Variants in SYNJ2 observed in about 807,000 individuals in gnomAD.
The protein encoded by SYNJ2 is synaptojanin 2.
In SYNJ2, 116 loss-of-function variants were observed where a neutral mutation model predicts 141.3. The observed-to-expected ratio is 0.82, with a 90% confidence interval of 0.71 to 0.96. SYNJ2 has a LOEUF of 0.96. Among genes scored for constraint, SYNJ2 ranks in the 40% least tolerant of loss-of-function variants. The probability of loss-of-function intolerance (pLI) is 0.00; values close to 1 mark genes in which losing one functional copy is unlikely to be tolerated. For synonymous variants in SYNJ2, 745 were observed against 777.7 expected, an observed-to-expected ratio of 0.96 and a Z score of 0.70; for missense variants, 1,873 against 1,934.8, an observed-to-expected ratio of 0.97 and a Z score of 0.60.
intron 1 of SYNJ2, among the ~76,000 whole-genome samples, chr6:158,004,786 G>A (rs1346859685): frequency 1.3e-5 from 2 of 152,102 alleles, no homozygotes; most frequent in East Asian, 1.9e-4. Flanking sequence ...ACGAGACTGC[G>A]TCCCTCACTG....
intron 1 of SYNJ2, among the ~76,000 whole-genome samples, chr6:158,005,436 C>T (rs915304364): frequency 1.3e-4 from 20 of 152,118 alleles, no homozygotes; most frequent in African/African-American, 3.9e-4. Context: ...CTTCTCATAG[C>T]CCCTCGTCTG....
In SYNJ2 at chr6:158,096,194, A is replaced by G. The variant is rs201680213; in HGVS notation, c.4321A>G (p.Thr1441Ala). Reference protein sequence around the residue: ...SKSSDPLDSGTRSPKRDPIDP... With the variant: ...SKSSDPLDSGARSPKRDPIDP... ...GAGCTCAGACCCTTTGGACTCAGGA[A>G]CCAGGAGCCCCAAAAGAGATCCCAT... is the stretch of plus-strand genomic sequence containing the variant. Residue 1441 changes from threonine (T) to alanine (A), a missense_variant, in exon 27 of 27, where the codon ACC becomes GCC. Coordinates refer to ENST00000355585, the MANE Select transcript of SYNJ2 (RefSeq NM_003898.4). The G allele has an allele frequency of 4.5e-5, 73 of 1,614,218 alleles. No individual in the cohort carries two copies. In the African/African-American group the frequency reaches 9.3e-4, roughly 21 times the overall value.
chr6:158,083,524 C>G lies in SYNJ2; in HGVS notation c.2961C>G (p.Pro987=). The G allele has an allele frequency of 6.2e-7, 1 of 1,614,132 alleles. No individual in the cohort carries two copies. Among genetic ancestry groups the G allele is most frequent in the Non-Finnish European group, 8.5e-7 (1 of 1,180,034 alleles). Residue 987 remains proline (P), a synonymous_variant, in exon 21 of 27, where the codon CCC becomes CCG. Transcript: ENST00000355585. ...EIIRKRDSMA[P]VSPTANSCLL... is the part of the protein sequence containing the mutation. The stretch of plus-strand genomic sequence containing the variant: ...TTCGGAAACGAGACAGCATGGCCCC[C>G]GTGTCTCCCACTGCCAACTCCTGTT...
At chr6:158,018,799 A>C (rs1180882073) in intron 2 of SYNJ2, among the ~76,000 whole-genome samples, 6 of 152,260 alleles carry the variant, frequency 3.9e-5, no homozygotes, top group Non-Finnish European at 8.8e-5. Flanking sequence ...AACTTGCCTT[A>C]GGTCAGAAAC....
chr6:158,010,586 C>G (rs1778226748), intron 1 of SYNJ2, among the ~76,000 whole-genome samples: 1 of 152,172 alleles, frequency 6.6e-6, no homozygotes, highest in South Asian at 2.1e-4. Context: ...GAAAAGATGA[C>G]CAAGTGTTTG....
Position 157,982,166 on chromosome 6 carries a change from C to T in SYNJ2, c.127+78C>T, listed in dbSNP as rs1375468179. 5.6e-6 allele frequency: 7 copies of T among 1,252,970 alleles called. No homozygotes were observed. The African/African-American group carries it at 6.2e-5, about 11-fold the overall frequency. The allele number at this position is 1,252,970 out of a possible 1,614,324, so 77.6% of individuals were successfully genotyped here. A position where few individuals can be genotyped will look rare whatever the true frequency, so the allele number is the denominator to read the frequency against. On this transcript the variant is annotated intron_variant, in intron 1 of 26. Transcript: ENST00000355585. This position sits in a 1 kb window ranked among gnomAD's most constrained non-coding sequence, Gnocchi z 4.0. ...CCCAGCCTCGGGAAGACGGGTACCC[C>T]CCCTTCCCGAGGGGATCGGGCGGCG...
rs1004747985 is a variant in SYNJ2, at chr6:158,033,476, C to T, written c.507C>T (p.Pro169=). Residue 169 remains proline (P), a synonymous_variant, in exon 4 of 27, where the codon CCC becomes CCT. Transcript: ENST00000355585. The part of the protein sequence containing the change: ...SFFWNQLLHV[P]LRQHQVSCCD... ...GCAGGAACCAGCTGTTGCACGTGCC[C>T]TTGAGGCAGCACCAGGTGAGCTGCT... 1 of 1,614,130 alleles carries T rather than the reference C, an allele frequency of 6.2e-7. No homozygotes were observed. Among genetic ancestry groups the T allele is most frequent in the South Asian group, 1.1e-5 (1 of 91,080 alleles).
Position 158,095,780 on chromosome 6 carries a change from C to A in SYNJ2, c.3907C>A (p.His1303Asn). The change falls in exon 27 of 27, where the codon CAC becomes AAC. Residue 1303 changes from histidine (H) to asparagine (N), a missense_variant. Physicochemically the swap from His to Asn is moderately conservative, Grantham distance 68. Coordinates refer to ENST00000355585, the MANE Select transcript of SYNJ2 (RefSeq NM_003898.4). ...QPGKAAERPS[H>N]RKPASDEAPP... The stretch of plus-strand genomic sequence containing the variant: ...TGGGAAAGCTGCAGAGAGGCCAAGC[C>A]ACAGGAAGCCAGCATCAGACGAAGC... 6.2e-7 allele frequency: 1 copy of A among 1,614,178 alleles called. No homozygotes were observed. Among genetic ancestry groups the A allele is most frequent in the Non-Finnish European group, 8.5e-7 (1 of 1,180,042 alleles).
rs528575306 is a variant in SYNJ2, at chr6:158,031,614, C to T, written c.486-1841C>T. 8.8e-3 allele frequency among the ~76,000 whole-genome samples: 1,148 copies of T among 130,006 alleles called. 17 individuals carry two copies. The highest frequency in any genetic ancestry group is 0.033 in the African/African-American group (1,079 of 33,176). 85.3% of individuals were successfully genotyped at this position (130,006 alleles called of 152,430 possible). On this transcript the variant is annotated intron_variant, in intron 3 of 26. Transcript: ENST00000355585. The stretch of plus-strand genomic sequence containing the variant: ...ATCGCCTGAACCCCCACTGTTGTGG[C>T]GCAGCGTGAGGTCTGGAGACCCACA...
intron 9 of SYNJ2, 24 bp downstream of exon 9, chr6:158,063,896 C>T (rs369651581): frequency 8.6e-5 from 139 of 1,612,098 alleles, no homozygotes; most frequent in Middle Eastern, 3.3e-4. Context: ...ACAGCCTTTT[C>T]GGCCATCTGT....
Position 158,095,907 on chromosome 6 carries a change from A to G in SYNJ2, c.4034A>G (p.His1345Arg). ...AAGAAGTCAGCCCCCGCAGCCTTCCACCTGCAGGTCCTGCAGAGCAACAGC... is the reference window on the plus strand; with the variant it reads ...AAGAAGTCAGCCCCCGCAGCCTTCCGCCTGCAGGTCCTGCAGAGCAACAGC... ...RRKKSAPAAF[H>R]LQVLQSNSQL... The change falls in exon 27 of 27, where the codon CAC (histidine) becomes CGC (arginine). Residue 1345 changes from histidine (H) to arginine (R), a missense_variant. Coordinates refer to ENST00000355585, the MANE Select transcript of SYNJ2 (RefSeq NM_003898.4). The G allele has an allele frequency of 6.2e-7, 1 of 1,614,036 alleles. No homozygotes were observed. The highest frequency in any genetic ancestry group is 8.5e-7 in the Non-Finnish European group (1 of 1,179,976).
In SYNJ2 at chr6:158,095,688, T is replaced by C. The variant is rs371122643; in HGVS notation, c.3815T>C (p.Val1272Ala). The change falls in exon 27 of 27, where the codon GTT (valine) becomes GCT (alanine). Residue 1272 changes from valine to alanine, a missense_variant. Val to Ala is a moderately conservative substitution (Grantham distance 64, BLOSUM62 0). Transcript: ENST00000355585. ...ACAATCGGGCCCCCGGAGACAAGCG[T>C]TGAGGCCCCTCCTGTCGTGACAGCC... ...HFTIGPPETS[V>A]EAPPVVTAPR... 3.7e-6 allele frequency: 6 copies of C among 1,614,008 alleles called. No homozygotes were observed. The highest frequency in any genetic ancestry group is 5.1e-6 in the Non-Finnish European group (6 of 1,180,010).
At chr6:158,068,399 A>G (rs1054009242) in intron 12 of SYNJ2, among the ~76,000 whole-genome samples, 1 of 152,196 alleles carries the variant, frequency 6.6e-6, no homozygotes, top group Non-Finnish European at 1.5e-5. Flanking sequence ...GTTATATTAA[A>G]TTCTGACCTC....
In SYNJ2 at chr6:157,982,194, G is replaced by A. The variant is rs537108396; in HGVS notation, c.127+106G>A. On this transcript the variant is annotated intron_variant, in intron 1 of 26. Transcript: ENST00000355585. The surrounding 1 kb of genome is among the most constrained non-coding windows in gnomAD (Gnocchi z 4.0). ...CTTCCCGAGGGGATCGGGCGGCGCT[G>A]GGACTGCCGGGGCGTAGGGGTCGCG... 2.2e-4 allele frequency: 273 copies of A among 1,228,658 alleles called. 1 individual carries two copies. In the East Asian group the frequency reaches 8.5e-3, roughly 38 times the overall value. The allele number at this position is 1,228,658 out of a possible 1,614,324, so 76.1% of individuals were successfully genotyped here. A position where few individuals can be genotyped will look rare whatever the true frequency, so the allele number is the denominator to read the frequency against.
chr6:158,086,803 A>C (rs1783064420), intron 22 of SYNJ2, 52 bp from the exon 23 acceptor site: 7 of 1,592,556 alleles, frequency 4.4e-6, no homozygotes, highest in Non-Finnish European at 6.0e-6. Flanking sequence ...CGTGTCTGAC[A>C]CGCTCACGTG....
chr6:158,096,311 G>T lies in SYNJ2; in HGVS notation c.4438G>T (p.Asp1480Tyr). The T allele has an allele frequency of 1.2e-6, 2 of 1,613,614 alleles. No individual in the cohort carries two copies. Among genetic ancestry groups the T allele is most frequent in the South Asian group, 2.2e-5 (2 of 90,938 alleles). Reference sequence around the variant, plus strand: ...CTTAGGTCACTGGGTGACAATCAGTGACCAAGAAAAGAGGACAGCACTGCA... The same window carrying T: ...CTTAGGTCACTGGGTGACAATCAGTTACCAAGAAAAGAGGACAGCACTGCA... Reference protein sequence around the residue: ...KTLGHWVTISDQEKRTALQVF... With the variant: ...KTLGHWVTISYQEKRTALQVF... Residue 1480 changes from aspartate (D) to tyrosine (Y), a missense_variant, in exon 27 of 27, where the codon GAC (aspartate) becomes TAC (tyrosine). Asp to Tyr is a radical substitution (Grantham distance 160). Transcript: ENST00000355585.
At chr6:158,065,164 C>T (rs1439250926) in intron 11 of SYNJ2, among the ~76,000 whole-genome samples, 173 bp downstream of exon 11, 3 of 152,230 alleles carry the variant, frequency 2.0e-5, no homozygotes, top group African/African-American at 7.2e-5. Flanking sequence ...CGCTTTCCTG[C>T]TGGGCCTGGG....
At chr6:158,067,025 GT>G (rs1298743460) in intron 12 of SYNJ2, among the ~76,000 whole-genome samples, 1 of 152,038 alleles carries the variant, frequency 6.6e-6, no homozygotes, top group South Asian at 2.1e-4. Context: ...TTTTGTTGTT[GT>G]TTGTTTTTTT....
Position 158,095,867 on chromosome 6 carries a change from G to T in SYNJ2, c.3994G>T (p.Val1332Leu), listed in dbSNP as rs752174550. 4 of 1,613,974 alleles carry T rather than the reference G, an allele frequency of 2.5e-6. No individual in the cohort carries two copies. Among genetic ancestry groups the T allele is most frequent in the South Asian group, 1.1e-5 (1 of 91,082 alleles). The change falls in exon 27 of 27, where the codon GTA becomes TTA. Residue 1332 changes from valine (V) to leucine (L), a missense_variant. Val to Leu is a conservative substitution (Grantham distance 32, BLOSUM62 1). Transcript: ENST00000355585. ...PLEAPPLVPK[V>L]PPRRKKSAPA... The stretch of plus-strand genomic sequence containing the variant: ...GGAGGCGCCGCCTCTTGTGCCCAAG[G>T]TACCCCCGAGGAGGAAGAAGTCAGC...
Sources: gnomAD v4.1 joint callset for allele counts (sites outside exome capture counted in the v4.1 genomes callset) on GRCh38, gnomAD v4.1.1 for gene constraint, Gnocchi (gnomAD v3.1) non-coding constraint, MANE v1.5 for transcripts, NCBI Gene and HGNC (gene_info 2026-07-23, HGNC 2026-07-21) for gene names.